The following CDK15 variants were observed in gnomAD, a reference collection of about 807,000 sequenced individuals.
CDK15 encodes cyclin dependent kinase 15, also known as cyclin-dependent kinase 15.
Under a neutral mutation model 60.3 loss-of-function variants are expected in CDK15, and 62 were observed. The observed-to-expected ratio is 1.03, with a 90% CI of 0.84 to 1.27. CDK15 has a LOEUF of 1.27. CDK15 is among the 50% of genes most tolerant of loss of function. The pLI is 0.00. For synonymous variants in CDK15, 194 were observed against 195.7 expected, an observed-to-expected ratio of 0.99 and a Z score of 0.07; for missense variants, 541 against 527.8, an observed-to-expected ratio of 1.03 and a Z score of -0.25.
chr2:201,856,235 G>A (rs908690289), intron 10 of CDK15, among the ~76,000 whole-genome samples: 2 of 152,160 alleles, frequency 1.3e-5, no homozygotes, highest in African/African-American at 4.8e-5. Flanking sequence ...AAAATACATA[G>A]GGAGCTGGGG....
At chr2:201,890,762 C>T in intron 12 of CDK15, 23 bp from the exon 13 acceptor site, 1 of 1,542,434 alleles carries the variant, frequency 6.5e-7, no homozygotes, top group Non-Finnish European at 8.9e-7. Flanking sequence ...CATATTGGTG[C>T]TTCTCTCTTT....
At chr2:201,812,986 T>C (rs1263432086) in intron 4 of CDK15, among the ~76,000 whole-genome samples, 1 of 152,190 alleles carries the variant, frequency 6.6e-6, no homozygotes, top group Admixed American at 6.5e-5. Flanking sequence ...ATGTTTAGTG[T>C]TCTGCCTGTA....
chr2:201,868,322 G>C (rs942323534), intron 10 of CDK15, among the ~76,000 whole-genome samples: 6 of 152,148 alleles, frequency 3.9e-5, no homozygotes, highest in Non-Finnish European at 8.8e-5. Context: ...CTCTTCTGCA[G>C]GTGGGAAAAC....
chr2:201,825,499 G>C (rs1392088154), intron 6 of CDK15, among the ~76,000 whole-genome samples: 1 of 64,530 alleles, frequency 1.5e-5, no homozygotes. Context: ...GGGTTAAAGA[G>C]AGTGAAAAAA....
chr2:201,832,666 A>T (rs1696811535), intron 6 of CDK15, among the ~76,000 whole-genome samples: 1 of 152,160 alleles, frequency 6.6e-6, no homozygotes, highest in African/African-American at 2.4e-5. Flanking sequence ...GCTACATGAA[A>T]CCTGCATAGC....
chr2:201,860,693 G>A, intron 10 of CDK15: 2 of 1,351,692 alleles, frequency 1.5e-6, no homozygotes, highest in South Asian at 1.1e-5. Flanking sequence ...GCCAAGGGAT[G>A]CCCAGTTGTT....
intron 8 of CDK15, among the ~76,000 whole-genome samples, chr2:201,841,394 G>C (rs1697373906): frequency 6.6e-6 from 1 of 152,130 alleles, no homozygotes; most frequent in Non-Finnish European, 1.5e-5. Flanking sequence ...ATGTAATGTA[G>C]AAATAGAACA....
At chr2:201,893,251 T>A (rs1699692402) in intron 13 of CDK15, 50 bp from the exon 14 acceptor site, 1 of 152,236 alleles carries the variant, frequency 6.6e-6, no homozygotes, top group Admixed American at 6.5e-5. Flanking sequence ...CCTTCATCAA[T>A]ACTCTGTTGT....
chr2:201,807,378 A>G, intron 1 of CDK15, 116 bp from the exon 2 acceptor site: 1 of 1,096,922 alleles, frequency 9.1e-7, no homozygotes, highest in Non-Finnish European at 1.3e-6. Context: ...GGGGTACAGG[A>G]AGCTTAGAAA....
intron 4 of CDK15, among the ~76,000 whole-genome samples, chr2:201,817,614 A>G (rs1010954022): frequency 9.2e-5 from 14 of 152,220 alleles, no homozygotes; most frequent in African/African-American, 3.4e-4. Context: ...TATATGAGAA[A>G]ACTGAGCCAA....
At chr2:201,833,718 T>TCTTC (rs1553523068) in intron 6 of CDK15, 130 bp from the exon 7 acceptor site, 122 of 286,312 alleles carry the variant, frequency 4.3e-4, no homozygotes, top group Middle Eastern at 5.1e-4. Flanking sequence ...TTCTTCTTCT[T>TCTTC]TTTTTTTTTT....
At chr2:201,880,932 A>G (rs1452931675) in intron 12 of CDK15, among the ~76,000 whole-genome samples, 1 of 152,220 alleles carries the variant, frequency 6.6e-6, no homozygotes, top group Non-Finnish European at 1.5e-5. Context: ...ACAAGTAGAC[A>G]AGAAAAGCAA....
At chr2:201,834,662 T>C (rs1224810052) in intron 7 of CDK15, among the ~76,000 whole-genome samples, 1 of 152,156 alleles carries the variant, frequency 6.6e-6, no homozygotes, top group Non-Finnish European at 1.5e-5. Flanking sequence ...CCTGGGTTTG[T>C]TTTTGCTTAT....
chr2:201,867,058 A>G (rs949283573), intron 10 of CDK15, among the ~76,000 whole-genome samples: 5 of 152,174 alleles, frequency 3.3e-5, no homozygotes, highest in African/African-American at 1.2e-4. Flanking sequence ...TTCTGGCAGA[A>G]TTTACGAGAA....
chr2:201,838,395 A>T (rs1199436821), intron 8 of CDK15, among the ~76,000 whole-genome samples: 1 of 152,072 alleles, frequency 6.6e-6, no homozygotes, highest in African/African-American at 2.4e-5. Context: ...AAGAAAGCCG[A>T]TGTAGGTTAA....
chr2:201,827,236 A>G (rs945742704), intron 6 of CDK15, among the ~76,000 whole-genome samples: 1 of 152,176 alleles, frequency 6.6e-6, no homozygotes, highest in South Asian at 2.1e-4. Context: ...GCTTGAACCC[A>G]AGAGTTCAAG....
intron 6 of CDK15, among the ~76,000 whole-genome samples, chr2:201,828,318 A>C (rs1696598966): frequency 6.6e-6 from 1 of 152,088 alleles, no homozygotes; most frequent in Non-Finnish European, 1.5e-5. Flanking sequence ...GGAGTAGGCA[A>C]CCAAAAGAGC....
At chr2:201,864,563 C>T (rs1698533362) in intron 10 of CDK15, among the ~76,000 whole-genome samples, 2 of 152,180 alleles carry the variant, frequency 1.3e-5, no homozygotes, top group African/African-American at 4.8e-5. Flanking sequence ...AAGTGATCCA[C>T]CCACCTCGGC....
intron 9 of CDK15, among the ~76,000 whole-genome samples, chr2:201,850,009 G>A (rs1177645370): frequency 6.6e-6 from 1 of 152,146 alleles, no homozygotes; most frequent in Non-Finnish European, 1.5e-5. Flanking sequence ...ATTTTTAGTA[G>A]AGACGGGGTT....
Sources: allele counts gnomAD v4.1 joint callset (sites outside exome capture counted in the v4.1 genomes callset), GRCh38; gene constraint gnomAD v4.1.1; transcripts MANE v1.5; gene names NCBI Gene and HGNC (gene_info 2026-07-23, HGNC 2026-07-21).